Variants in KLHDC4 observed in about 807,000 individuals in gnomAD.
KLHDC4 encodes the protein kelch domain containing 4.
KLHDC4 carries 90 observed loss-of-function variants against 62.4 expected under a neutral mutation model. The ratio of observed to expected loss-of-function variants is 1.44; its 90% CI spans 1.22 to 1.72. The LOEUF is 1.72. KLHDC4 is among the 40% of genes most tolerant of loss of function. KLHDC4 has a pLI of 0.00. For missense variants in KLHDC4, 1,025 were observed against 699.7 expected, an observed-to-expected ratio of 1.47 and a Z score of -5.25; for synonymous variants, 386 against 284.4, an observed-to-expected ratio of 1.36 and a Z score of -3.59.
chr16:87,714,348 C>T (rs2036500994), intron 8 of KLHDC4, 150 bp downstream of exon 8: 2 of 655,426 alleles, frequency 3.1e-6, no homozygotes, highest in Non-Finnish European at 2.2e-6. Context: ...CCACCCGGCC[C>T]ACCCCGAAAT....
chr16:87,730,654 A>G lies in KLHDC4; in HGVS notation c.507-10T>C. The G allele has an allele frequency of 6.2e-7, 1 of 1,609,108 alleles. No individual in the cohort carries two copies. The highest frequency in any genetic ancestry group is 8.5e-7 in the Non-Finnish European group (1 of 1,177,504). On this transcript the variant is annotated splice_polypyrimidine_tract_variant and intron_variant, in intron 5 of 11. Coordinates refer to ENST00000270583, the MANE Select transcript of KLHDC4 (RefSeq NM_017566.4). ...AGGACCGCCTGTTGATCTAAAATGAAATAAACAAAAAGACACTATCAACCT... is the reference window on the plus strand; with the variant it reads ...AGGACCGCCTGTTGATCTAAAATGAGATAAACAAAAAGACACTATCAACCT...
At chr16:87,705,611 C>T (rs868000220), downstream of KLHDC4, among the ~76,000 whole-genome samples, 1 of 152,250 alleles carries the variant, frequency 6.6e-6, no homozygotes, top group Non-Finnish European at 1.5e-5. Flanking sequence ...CTTGGAATCC[C>T]ACCTAATCAG....
chr16:87,718,064 G>A (rs533119849), intron 7 of KLHDC4, among the ~76,000 whole-genome samples: 4 of 152,186 alleles, frequency 2.6e-5, no homozygotes, highest in South Asian at 4.1e-4. Flanking sequence ...CCCATGGTTC[G>A]ACCTCCCCAA....
chr16:87,710,586 T>TC (rs1272195428), intron 9 of KLHDC4: 1 of 151,552 alleles, frequency 6.6e-6, no homozygotes, highest in African/African-American at 2.4e-5. Context: ...CTGTGTAGAC[T>TC]CTGCTTGGAG....
chr16:87,740,263 G>C (rs1022497314), intron 5 of KLHDC4, among the ~76,000 whole-genome samples: 1 of 152,182 alleles, frequency 6.6e-6, no homozygotes, highest in Non-Finnish European at 1.5e-5. Flanking sequence ...AGGGAAATGA[G>C]AGAGCTCCAG....
At chr16:87,716,658 C>T (rs189456987) in intron 7 of KLHDC4, among the ~76,000 whole-genome samples, 18 of 152,284 alleles carry the variant, frequency 1.2e-4, no homozygotes, top group African/African-American at 4.1e-4. Flanking sequence ...GGGCCGGGCA[C>T]GGTGGCTTAC....
At chr16:87,742,112 G>C (rs1244751582) in intron 5 of KLHDC4, among the ~76,000 whole-genome samples, 1 of 152,136 alleles carries the variant, frequency 6.6e-6, no homozygotes, top group Non-Finnish European at 1.5e-5. Context: ...AAATGACAGA[G>C]GAAAAACAGC....
chr16:87,748,526 C>G, intron 5 of KLHDC4, 147 bp downstream of exon 5: 1 of 1,033,090 alleles, frequency 9.7e-7, no homozygotes, highest in Non-Finnish European at 1.4e-6. Flanking sequence ...AATGTGGTCT[C>G]CCAGGACCCA....
At chr16:87,737,838 G>C (rs2041600863) in intron 5 of KLHDC4, among the ~76,000 whole-genome samples, 1 of 152,022 alleles carries the variant, frequency 6.6e-6, no homozygotes, top group African/African-American at 2.4e-5. Context: ...TGATCCGCCT[G>C]CCTCGGCCTC....
At chr16:87,712,990 C>T (rs558953485) in intron 8 of KLHDC4, among the ~76,000 whole-genome samples, 55 of 152,336 alleles carry the variant, frequency 3.6e-4, no homozygotes, top group African/African-American at 1.2e-3. Flanking sequence ...CCTGGCATCA[C>T]TCTCTTGCTC....
chr16:87,707,266 C>A (rs969775785), downstream of KLHDC4, among the ~76,000 whole-genome samples: 3 of 152,226 alleles, frequency 2.0e-5, no homozygotes. Flanking sequence ...ATGGGGACAC[C>A]TGGTGGCAGC....
intron 2 of KLHDC4, among the ~76,000 whole-genome samples, chr16:87,760,111 T>G (rs1175928743): frequency 1.3e-5 from 2 of 152,042 alleles, no homozygotes; most frequent in African/African-American, 4.8e-5. Flanking sequence ...TCAGGATAAC[T>G]GCTCCCTCCT....
At chr16:87,725,823 G>C (rs1440600122) in intron 7 of KLHDC4, among the ~76,000 whole-genome samples, 3 of 152,182 alleles carry the variant, frequency 2.0e-5, no homozygotes, top group Non-Finnish European at 4.4e-5. Context: ...TCCGGGGTGG[G>C]CGCGAGAACA....
intron 1 of KLHDC4, chr16:87,765,291 T>A (rs2046474701): frequency 2.2e-6 from 1 of 456,068 alleles, no homozygotes; most frequent in Non-Finnish European, 4.4e-6. Flanking sequence ...CTTCTTCACT[T>A]AACCATCTGC....
downstream of KLHDC4, among the ~76,000 whole-genome samples, chr16:87,707,202 C>T (rs904531436): frequency 6.6e-6 from 1 of 152,246 alleles, no homozygotes; most frequent in Non-Finnish European, 1.5e-5. Context: ...GGAGTTAGCG[C>T]ACCACAGCCT....
At position 87,714,503 on chromosome 16, in the gene KLHDC4, C is replaced by T. The variant is rs1182227328; in HGVS notation, c.830G>A (p.Arg277Lys). The T allele has an allele frequency of 1.2e-6, 2 of 1,614,182 alleles. No individual in the cohort carries two copies. The highest frequency in any genetic ancestry group is 1.3e-5 in the African/African-American group (1 of 75,068). The part of the protein sequence containing the change: ...DMFLLKPEDG[R>K]EDKWVWTRMN... ...TGGAGGCACAGCACCTCTACCTTCTCTTCCGTCCTCTGGCTTCAGCAGGAA... is the reference window on the plus strand; with the variant it reads ...TGGAGGCACAGCACCTCTACCTTCTTTTCCGTCCTCTGGCTTCAGCAGGAA... The change falls in exon 8 of 12, where the codon AGA becomes AAA. Residue 277 changes from arginine to lysine, a missense_variant. Coordinates refer to ENST00000270583, the MANE Select transcript of KLHDC4 (RefSeq NM_017566.4).
intron 6 of KLHDC4, among the ~76,000 whole-genome samples, chr16:87,729,532 A>G (rs2039969194): frequency 6.6e-6 from 1 of 152,192 alleles, no homozygotes; most frequent in Non-Finnish European, 1.5e-5. Flanking sequence ...TGACAGAAAC[A>G]GGGATAACCA....
rs938510659 is a variant in KLHDC4, at chr16:87,708,084, CAAG to C, written c.*2-12_*2-10del. The C allele has an allele frequency of 8.5e-5, 51 of 600,938 alleles. No homozygotes were observed. The Admixed American group carries it at 1.1e-3, about 13-fold the overall frequency. The allele number at this position is 600,938 out of a possible 1,614,324, so 37.2% of individuals were successfully genotyped here. A position where few individuals can be genotyped will look rare whatever the true frequency, so the allele number is the denominator to read the frequency against. On this transcript the variant is annotated splice_polypyrimidine_tract_variant and intron_variant, in intron 11 of 11. Coordinates refer to ENST00000270583, the MANE Select transcript of KLHDC4 (RefSeq NM_017566.4). The stretch of plus-strand genomic sequence containing the variant: ...CCCTGGCAGGGGCTCTTCTGATACG[CAAG>C]GAGGAAGGAATGAGAGAGAAACACA...
chr16:87,756,520 T>C, intron 2 of KLHDC4, 43 bp from the exon 3 acceptor site: 3 of 1,427,228 alleles, frequency 2.1e-6, no homozygotes, highest in African/African-American at 1.4e-5. Context: ...TCACCCCCGA[T>C]ACCCACCTGA....
Sources: allele counts gnomAD v4.1 joint callset (sites outside exome capture counted in the v4.1 genomes callset), GRCh38; gene constraint gnomAD v4.1.1; transcripts MANE v1.5; gene names NCBI Gene and HGNC (gene_info 2026-07-23, HGNC 2026-07-21).